NDRG1: variants seen among roughly 807,000 people sequenced by gnomAD.
NDRG1 encodes protein NDRG1.
In NDRG1, 32 loss-of-function variants were observed where a neutral mutation model predicts 56.9. The ratio of observed to expected loss-of-function variants is 0.56; its 90% confidence interval spans 0.42 to 0.76. The LOEUF (loss-of-function observed/expected upper bound fraction) is 0.76, where lower values mean the gene tolerates loss of function less well. NDRG1 is among the 30% of genes least tolerant of loss of function. The pLI, the probability that NDRG1 is intolerant of heterozygous loss-of-function variation, is 0.00. For missense variants in NDRG1, 507 were observed against 545.7 expected (o/e 0.93, Z 0.71); for synonymous variants, 211 against 204.1 (o/e 1.03, Z -0.29).
At position 133,239,083 on chromosome 8, in the gene NDRG1, C is replaced by T. The variant is rs565705964; in HGVS notation, c.980G>A (p.Arg327His). Reference protein sequence around the residue: ...SASMTRLMRSRTASGSSVTSL... With the variant: ...SASMTRLMRSHTASGSSVTSL... ...AGTGACGCTGGAACCAGAGGCTGTG[C>T]GGGACCGCATCAGGCGGGTCATGCT... Residue 327 changes from arginine (R) to histidine (H), a missense_variant, in exon 16 of 16, where the codon CGC (arginine) becomes CAC (histidine). Transcript: ENST00000323851. 7 of 1,573,530 alleles carry T rather than the reference C, an allele frequency of 4.4e-6. No individual in the cohort carries two copies. In the Admixed American group the frequency reaches 7.6e-5, roughly 17 times the overall value.
At chr8:133,255,298 C>T (rs1269528578) in intron 8 of NDRG1, 1 of 456,282 alleles carries the variant, frequency 2.2e-6, no homozygotes, top group Non-Finnish European at 4.4e-6. Context: ...TAATCTGGAA[C>T]TGGGAGTGCC....
intron 11 of NDRG1, 57 bp from the exon 12 acceptor site, chr8:133,247,983 C>T: frequency 6.4e-7 from 1 of 1,566,072 alleles, no homozygotes; most frequent in Admixed American, 1.7e-5. Flanking sequence ...GATTGTCCCA[C>T]TCCCAGGCCT....
intron 1 of NDRG1, chr8:133,296,778 G>A (rs1048453497): frequency 4.5e-6 from 1 of 221,694 alleles, no homozygotes; most frequent in Non-Finnish European, 9.6e-6. Flanking sequence ...ACCCCTGCCA[G>A]CGGCGCCAGC....
At position 133,296,886 on chromosome 8, in the gene NDRG1, G is replaced by C. The variant is rs113484157; in HGVS notation, c.-19+248C>G. 462 of 214,932 alleles carry C rather than the reference G, an allele frequency of 2.1e-3. 6 individuals are homozygous for C. Among genetic ancestry groups the C allele is most frequent in the African/African-American group, 8.5e-3 (367 of 43,052 alleles). 13.3% of individuals were successfully genotyped at this position (214,932 alleles called of 1,614,324 possible). A position where few individuals can be genotyped will look rare whatever the true frequency, so the allele number is the denominator to read the frequency against. On this transcript the variant is annotated intron_variant, in intron 1 of 15. Coordinates refer to ENST00000323851, the MANE Select transcript of NDRG1 (RefSeq NM_006096.4). ...CCTCCAGAACCCCAATCCCCAGCTA[G>C]GGGGGAGATGAATGGGACCCTGTCT...
At chr8:133,284,951 T>C in intron 1 of NDRG1, 1 of 433,948 alleles carries the variant, frequency 2.3e-6, no homozygotes, top group Non-Finnish European at 4.7e-6. Flanking sequence ...TGGCAGGCAT[T>C]TGAACGCACA....
intron 10 of NDRG1, among the ~76,000 whole-genome samples, chr8:133,249,151 G>A (rs1001983884): frequency 6.6e-6 from 1 of 152,174 alleles, no homozygotes; most frequent in African/African-American, 2.4e-5. Flanking sequence ...CTTAGTTTAA[G>A]TCCCAGCCTC....
intron 2 of NDRG1, among the ~76,000 whole-genome samples, chr8:133,281,898 C>T (rs575608425): frequency 1.3e-5 from 2 of 152,260 alleles, no homozygotes; most frequent in African/African-American, 4.8e-5. Context: ...TGGGGAAAGC[C>T]ATTCTGTACA....
intron 3 of NDRG1, among the ~76,000 whole-genome samples, chr8:133,270,497 A>G (rs1289610672): frequency 6.6e-6 from 1 of 151,410 alleles, no homozygotes; most frequent in African/African-American, 2.4e-5. Flanking sequence ...GTTCTGGCCA[A>G]TGAAATGCCA....
chr8:133,241,926 G>A lies in NDRG1; in HGVS notation c.943+97C>T, dbSNP rs1855404531. Reference sequence around the variant, plus strand: ...CCCAGAAAGCTGAAGCTGGCCAGGGGGACACAGAATTGCTCATCCAAACCT... The same window carrying A: ...CCCAGAAAGCTGAAGCTGGCCAGGGAGACACAGAATTGCTCATCCAAACCT... On this transcript the variant is annotated intron_variant, in intron 15 of 15. Coordinates refer to ENST00000323851, the MANE Select transcript of NDRG1 (RefSeq NM_006096.4). 1.5e-5 allele frequency: 21 copies of A among 1,406,976 alleles called. 1 individual carries two copies. In the South Asian group the frequency reaches 2.4e-4, roughly 16 times the overall value. 87.2% of individuals were successfully genotyped at this position (1,406,976 alleles called of 1,614,324 possible).
intron 10 of NDRG1, among the ~76,000 whole-genome samples, chr8:133,249,097 C>A (rs1454417938): frequency 6.6e-6 from 1 of 152,194 alleles, no homozygotes; most frequent in African/African-American, 2.4e-5. Flanking sequence ...TAGTCAGAGC[C>A]CCCACCTGAC....
intron 3 of NDRG1, among the ~76,000 whole-genome samples, chr8:133,272,565 C>G (rs1048818685): frequency 6.6e-6 from 1 of 152,238 alleles, no homozygotes; most frequent in African/African-American, 2.4e-5. Flanking sequence ...TGAGTGAGGT[C>G]AGCCTGGCAG....
chr8:133,284,022 T>C lies in NDRG1; in HGVS notation c.63+227A>G, dbSNP rs191635379. 2.9e-3 allele frequency among the ~76,000 whole-genome samples: 444 copies of C among 152,306 alleles called. 4 individuals are homozygous for C. Among genetic ancestry groups the C allele is most frequent in the African/African-American group, 9.8e-3 (408 of 41,568 alleles). ...CTTGAACCAGAGCCTCTCACAACTT[T>C]GCATTTCAAGGAAGCAGTGGACAAA... On this transcript the variant is annotated intron_variant, in intron 2 of 15. Coordinates refer to ENST00000323851, the MANE Select transcript of NDRG1 (RefSeq NM_006096.4).
intron 3 of NDRG1, among the ~76,000 whole-genome samples, chr8:133,276,487 C>T (rs1045250742): frequency 2.0e-5 from 3 of 152,206 alleles, no homozygotes; most frequent in South Asian, 2.1e-4. Context: ...ATAATCCCCA[C>T]GTGTCGTGGG....
At chr8:133,261,079 G>A (rs1007445238) in intron 5 of NDRG1, among the ~76,000 whole-genome samples, 12 of 152,184 alleles carry the variant, frequency 7.9e-5, no homozygotes, top group African/African-American at 1.7e-4. Flanking sequence ...TAGGATCAAA[G>A]CCAACTCCCC....
chr8:133,265,720 C>T (rs1434619319), intron 3 of NDRG1, among the ~76,000 whole-genome samples: 2 of 152,146 alleles, frequency 1.3e-5, no homozygotes, highest in African/African-American at 4.8e-5. Context: ...GGCACCCTGC[C>T]TTGGTTCCAA....
intron 8 of NDRG1, 110 bp downstream of exon 8, chr8:133,256,667 G>C (rs1290877564): frequency 5.1e-6 from 5 of 979,560 alleles, no homozygotes; most frequent in Non-Finnish European, 7.9e-6. Flanking sequence ...GGTAGTGGAG[G>C]AGTGGGTAAA....
rs1002198925 is a variant in NDRG1, at chr8:133,237,976, G to A, written c.*902C>T. 1.3e-5 allele frequency: 3 copies of A among 233,024 alleles called. No homozygotes were observed. Among genetic ancestry groups the A allele is most frequent in the Non-Finnish European group, 2.5e-5 (3 of 117,994 alleles). The allele number at this position is 233,024 out of a possible 1,614,324, so 14.4% of individuals were successfully genotyped here. A position where few individuals can be genotyped will look rare whatever the true frequency, so the allele number is the denominator to read the frequency against. On this transcript the variant is annotated 3_prime_UTR_variant, in exon 16 of 16. Transcript: ENST00000323851. ...CCTGCAAGGACACTCATCACAGCCA[G>A]GGCAGCTGTGGAATGTTGCCCTCCA... is the stretch of plus-strand genomic sequence containing the variant.
At chr8:133,243,894 G>A (rs1483951936) in intron 14 of NDRG1, among the ~76,000 whole-genome samples, 1 of 152,114 alleles carries the variant, frequency 6.6e-6, no homozygotes. Flanking sequence ...GTGTTTATTT[G>A]TACATGTGCA....
intron 2 of NDRG1, among the ~76,000 whole-genome samples, chr8:133,281,956 A>G (rs892435040): frequency 6.6e-6 from 1 of 152,202 alleles, no homozygotes; most frequent in Non-Finnish European, 1.5e-5. Context: ...GGCAATCTAG[A>G]TTGAGGACAG....
Sources: gnomAD v4.1 joint callset for allele counts (sites outside exome capture counted in the v4.1 genomes callset) on GRCh38, gnomAD v4.1.1 for gene constraint, MANE v1.5 for transcripts, NCBI Gene and HGNC (gene_info 2026-07-23, HGNC 2026-07-21) for gene names.